Variants in CSMD1 observed in about 807,000 individuals in gnomAD.
The protein encoded by CSMD1 is CUB and Sushi multiple domains 1, also known as CUB and sushi domain-containing protein 1.
Under a neutral mutation model 417.5 loss-of-function variants are expected in CSMD1, and 213 were observed. The ratio of observed to expected loss-of-function variants is 0.51; its 90% CI spans 0.46 to 0.57. The LOEUF (loss-of-function observed/expected upper bound fraction) is 0.57. Among genes scored for constraint, CSMD1 ranks in the 20% least tolerant of loss-of-function variants. CSMD1 has a pLI of 0.00. For synonymous variants in CSMD1, 2,862 were observed against 1,736.8 expected (o/e 1.65, Z -16.11); for missense variants, 6,923 against 4,529.7 (o/e 1.53, Z -15.17).
chr8:4,989,261 C>G (rs897529058), intron 1 of CSMD1, among the ~76,000 whole-genome samples: 12 of 152,114 alleles, frequency 7.9e-5, no homozygotes, highest in Admixed American at 1.3e-4. Flanking sequence ...CATATCCATG[C>G]CAGGTCTACA....
At chr8:3,914,715 C>G (rs886632060) in intron 5 of CSMD1, among the ~76,000 whole-genome samples, 29 of 152,022 alleles carry the variant, frequency 1.9e-4, no homozygotes, top group Non-Finnish European at 4.0e-4. Flanking sequence ...TATTTTTTGA[C>G]TATCCCTTTT....
chr8:4,029,276 A>G (rs975062781), intron 4 of CSMD1, among the ~76,000 whole-genome samples: 4 of 152,220 alleles, frequency 2.6e-5, no homozygotes, highest in African/African-American at 4.8e-5. Flanking sequence ...GGGGGATATA[A>G]TAACAAGTTG....
chr8:4,784,162 G>A (rs1414949668), intron 1 of CSMD1, among the ~76,000 whole-genome samples: 1 of 152,188 alleles, frequency 6.6e-6, no homozygotes, highest in Non-Finnish European at 1.5e-5. Context: ...TCATATTTAT[G>A]TACTCAAGTA....
intron 1 of CSMD1, among the ~76,000 whole-genome samples, chr8:4,964,135 A>C (rs1563884341): frequency 6.6e-6 from 1 of 151,900 alleles, no homozygotes; most frequent in Non-Finnish European, 1.5e-5. Flanking sequence ...TTTTATCTTC[A>C]CATTCTTTCC....
intron 3 of CSMD1, among the ~76,000 whole-genome samples, chr8:4,373,351 C>T (rs1475680538): frequency 1.3e-5 from 2 of 152,148 alleles, no homozygotes; most frequent in Admixed American, 6.5e-5. Context: ...TAGTTAATAA[C>T]GTGTCACTGT....
intron 6 of CSMD1, among the ~76,000 whole-genome samples, chr8:3,720,174 G>A (rs530299079): frequency 3.9e-5 from 6 of 152,134 alleles, no homozygotes; most frequent in Non-Finnish European, 8.8e-5. Context: ...CAGGAAGCTG[G>A]GGATGAACCT....
rs374962599 is a variant in CSMD1 at position 4,716,574 on chromosome 8, A to T, written c.86-79016T>A. Among the ~76,000 whole-genome samples, 270 of 152,344 alleles carry T rather than the reference A, an allele frequency of 1.8e-3. 9 individuals are homozygous for T. In the South Asian group the frequency reaches 0.047, roughly 27 times the overall value. ...AAATTTTAGGCACAGATGTTAAAGG[A>T]ATTTACTATATTCTTATAGAAATGA... On this transcript the variant is annotated intron_variant, in intron 1 of 69. Transcript: ENST00000635120.
At chr8:4,290,500 A>C (rs1035760584) in intron 3 of CSMD1, among the ~76,000 whole-genome samples, 2 of 151,422 alleles carry the variant, frequency 1.3e-5, no homozygotes, top group African/African-American at 2.5e-5. Context: ...TAGCATGAGA[A>C]AAAAAGGACA....
intron 7 of CSMD1, among the ~76,000 whole-genome samples, chr8:3,640,676 A>C (rs1307439019): frequency 6.6e-6 from 1 of 152,188 alleles, no homozygotes; most frequent in East Asian, 1.9e-4. Flanking sequence ...ACAATGTTTG[A>C]TAAGAAAAAG....
intron 3 of CSMD1, among the ~76,000 whole-genome samples, chr8:4,081,497 C>G (rs1311444511): frequency 6.6e-6 from 1 of 152,156 alleles, no homozygotes; most frequent in Non-Finnish European, 1.5e-5. Flanking sequence ...CAGGGAGGCT[C>G]ACATGACAAG....
At chr8:3,602,467 T>A (rs1801410041) in intron 8 of CSMD1, among the ~76,000 whole-genome samples, 1 of 152,160 alleles carries the variant, frequency 6.6e-6, no homozygotes, top group Non-Finnish European at 1.5e-5. Context: ...CACTGGTTGG[T>A]CATTGAACGT....
chr8:4,831,276 G>C (rs925323425), intron 1 of CSMD1, among the ~76,000 whole-genome samples: 8 of 152,154 alleles, frequency 5.3e-5, no homozygotes, highest in South Asian at 2.1e-4. Flanking sequence ...TGGGAAATTA[G>C]TGCTCCACTG....
chr8:3,880,517 A>G (rs1050237430), intron 5 of CSMD1, among the ~76,000 whole-genome samples: 3 of 152,162 alleles, frequency 2.0e-5, no homozygotes, highest in Non-Finnish European at 4.4e-5. Context: ...TTGATTTTCT[A>G]AAGCCACGTA....
At chr8:4,593,685 C>T (rs146719281) in intron 2 of CSMD1, among the ~76,000 whole-genome samples, 5 of 152,132 alleles carry the variant, frequency 3.3e-5, no homozygotes, top group African/African-American at 4.8e-5. Context: ...GTTACTACTT[C>T]CATGTAATAA....
intron 3 of CSMD1, among the ~76,000 whole-genome samples, chr8:4,384,106 C>A (rs7837183): frequency 0.089 from 13,598 of 152,074 alleles, 1,778 homozygotes; most frequent in African/African-American, 0.29. Flanking sequence ...ACACCTAAAG[C>A]ATCAACACAG....
chr8:3,037,090 C>T (rs1312881617), intron 50 of CSMD1, among the ~76,000 whole-genome samples: 1 of 152,316 alleles, frequency 6.6e-6, no homozygotes, highest in Non-Finnish European at 1.5e-5. Flanking sequence ...TCTTCCATTC[C>T]TGAGTTACTT....
intron 6 of CSMD1, among the ~76,000 whole-genome samples, chr8:3,717,593 T>C (rs1182892491): frequency 6.6e-6 from 1 of 152,112 alleles, no homozygotes; most frequent in African/African-American, 2.4e-5. Flanking sequence ...AAGAAGAAAA[T>C]GTAACTGTGT....
chr8:3,580,623 G>C (rs938099062), intron 9 of CSMD1, among the ~76,000 whole-genome samples: 3 of 152,100 alleles, frequency 2.0e-5, no homozygotes, highest in African/African-American at 7.2e-5. Context: ...GTGACCTTCA[G>C]GTAAAAAGTA....
intron 26 of CSMD1, among the ~76,000 whole-genome samples, chr8:3,246,635 C>G (rs1228243593): frequency 1.3e-5 from 2 of 152,082 alleles, no homozygotes; most frequent in African/African-American, 2.4e-5. Flanking sequence ...CCCTACCCAG[C>G]TAATTTTTGA....
Sources: allele counts gnomAD v4.1 joint callset (sites outside exome capture counted in the v4.1 genomes callset), GRCh38; gene constraint gnomAD v4.1.1; transcripts MANE v1.5; gene names NCBI Gene and HGNC (gene_info 2026-07-23, HGNC 2026-07-21).